Variants in ZNF654 observed in about 807,000 individuals in gnomAD.
ZNF654 encodes the protein zinc finger protein 654.
Under a neutral mutation model 95.3 loss-of-function variants are expected in ZNF654, and 19 were observed. That is an observed-to-expected ratio of 0.20 (90% CI 0.14 to 0.29). The LOEUF (loss-of-function observed/expected upper bound fraction) is 0.29, where lower values mean the gene tolerates loss of function less well. Ranked by LOEUF, ZNF654 falls within the 10% of genes least tolerant of loss-of-function variation. ZNF654 has a pLI of 1.00. For synonymous variants in ZNF654, 413 were observed against 457.9 expected (o/e 0.90, Z 1.25); for missense variants, 1,046 against 1,341.0 (o/e 0.78, Z 3.44).
rs762326399 is a variant in ZNF654, at chr3:88,086,307, G to T, written c.237G>T (p.Gln79His). ...GGCAGGTCCCTTTGCCACAGCTTCA[G>T]GTTCTTCAGACTGCCCTTTGTTGTT... ...GRWQVPLPQLQVLQTALCCFT... is the reference protein window; with the variant it reads ...GRWQVPLPQLHVLQTALCCFT... Residue 79 changes from glutamine (Q) to histidine (H), a missense_variant, in exon 2 of 9, where the codon CAG (glutamine) becomes CAT (histidine). This residue lies in a region of ZNF654 where 91 missense variants were observed against 190.5 expected (regional missense o/e 0.48). Coordinates refer to ENST00000636215, the MANE Select transcript of ZNF654 (RefSeq NM_001350134.2). 1,218 of 1,534,438 alleles carry T rather than the reference G, an allele frequency of 7.9e-4. 1 individual carries two copies. Among genetic ancestry groups the T allele is most frequent in the Non-Finnish European group, 9.9e-4 (1,138 of 1,146,706 alleles).
chr3:88,133,530 A>ATACT (rs1440491357), intron 6 of ZNF654, among the ~76,000 whole-genome samples: 1 of 152,126 alleles, frequency 6.6e-6, no homozygotes, highest in Non-Finnish European at 1.5e-5. Flanking sequence ...TCCTGAAGAG[A>ATACT]TACTTGATAG....
At chr3:88,064,022 A>G (rs1161891337) in intron 1 of ZNF654, among the ~76,000 whole-genome samples, 1 of 151,584 alleles carries the variant, frequency 6.6e-6, no homozygotes, top group Non-Finnish European at 1.5e-5. Flanking sequence ...ATTTTTCTAG[A>G]TTTTTGTTTC....
chr3:88,109,929 C>T (rs2107754139), intron 2 of ZNF654, among the ~76,000 whole-genome samples: 1 of 152,174 alleles, frequency 6.6e-6, no homozygotes, highest in South Asian at 2.1e-4. Flanking sequence ...TGAGTTTAAT[C>T]AGATTTTTAA....
At chr3:88,068,291 G>C (rs1707315375) in intron 1 of ZNF654, among the ~76,000 whole-genome samples, 1 of 152,054 alleles carries the variant, frequency 6.6e-6, no homozygotes, top group African/African-American at 2.4e-5. Flanking sequence ...TGATAAATCA[G>C]TTAATTAACT....
At position 88,075,286 on chromosome 3, in the gene ZNF654, G is replaced by T. The variant is rs1311851943; in HGVS notation, c.187-10971G>T. ...ACGCTTCAAGCATAGTCATTTCCTT[G>T]CAGCCTCCACAACCTGTGTTCTGCT... On this transcript the variant is annotated intron_variant, in intron 1 of 8. Coordinates refer to ENST00000636215, the MANE Select transcript of ZNF654 (RefSeq NM_001350134.2). Among the ~76,000 whole-genome samples, 7 of 152,128 alleles carry T rather than the reference G, an allele frequency of 4.6e-5. No homozygotes were observed. In the East Asian group the frequency reaches 9.6e-4, roughly 21 times the overall value.
chr3:88,100,304 A>C (rs1704333931), intron 2 of ZNF654, among the ~76,000 whole-genome samples: 1 of 152,214 alleles, frequency 6.6e-6, no homozygotes, highest in Non-Finnish European at 1.5e-5. Flanking sequence ...AATGACAATC[A>C]TTAAAAAGTC....
At chr3:88,117,458 A>G (rs1344228557) in intron 3 of ZNF654, among the ~76,000 whole-genome samples, 1 of 152,192 alleles carries the variant, frequency 6.6e-6, no homozygotes, top group Non-Finnish European at 1.5e-5. Context: ...CCTATAGTTT[A>G]TAAGATAGAG....
Position 88,129,761 on chromosome 3 carries a change from A to C in ZNF654, c.828A>C (p.Leu276Phe). 1 of 1,529,108 alleles carries C rather than the reference A, an allele frequency of 6.5e-7. No individual in the cohort carries two copies. Among genetic ancestry groups the C allele is most frequent in the Non-Finnish European group, 8.8e-7 (1 of 1,142,070 alleles). The allele number at this position is 1,529,108 out of a possible 1,614,324, so 94.7% of individuals were successfully genotyped here. A position where few individuals can be genotyped will look rare whatever the true frequency, so the allele number is the denominator to read the frequency against. Residue 276 changes from leucine to phenylalanine, a missense_variant, in exon 6 of 9, where the codon TTA becomes TTC. Around this residue, in one of 9 missense-constraint regions of ZNF654, gnomAD observed 121 missense variants for 141.7 expected, o/e 0.85. Transcript: ENST00000636215. ...CNAEKEGKTM[L>F]ALQLCESFLI... is the part of the protein sequence containing the mutation. ...CTGAAAAAGAAGGCAAAACTATGTT[A>C]GCCTTGCAACTCTGTGAATCCTTTC...
intron 1 of ZNF654, among the ~76,000 whole-genome samples, chr3:88,060,010 C>A (rs929390930): frequency 6.6e-6 from 1 of 151,992 alleles, no homozygotes; most frequent in Admixed American, 6.6e-5. Context: ...CTCCTGTCAT[C>A]CCCTCACAAG....
chr3:88,100,239 C>T (rs1447979502), intron 2 of ZNF654, among the ~76,000 whole-genome samples: 2 of 152,234 alleles, frequency 1.3e-5, no homozygotes, highest in East Asian at 3.9e-4. Context: ...TCATCACTGG[C>T]TATCAGAGAA....
chr3:88,095,055 T>C (rs1217712569), intron 2 of ZNF654, among the ~76,000 whole-genome samples: 1 of 152,128 alleles, frequency 6.6e-6, no homozygotes, highest in Non-Finnish European at 1.5e-5. Context: ...ATTCAAAATA[T>C]TTAAGCAAAT....
rs1325220367 is a variant in ZNF654, at chr3:88,139,769, TGAG to T, written c.2106_2108del (p.Glu704del). ...CTTTAACTGAATGTGGGGATGATTA[TGAG>T]GAGGAAGAGGATGAAGAAGGTGATT... is the stretch of plus-strand genomic sequence containing the variant. On this transcript the variant is annotated inframe_deletion, in exon 8 of 9. Transcript: ENST00000636215. The T allele has an allele frequency of 1.3e-6, 2 of 1,554,482 alleles. No homozygotes were observed. Among genetic ancestry groups the T allele is most frequent in the Non-Finnish European group, 8.7e-7 (1 of 1,148,348 alleles).
chr3:88,095,741 A>AT (rs2107694436), intron 2 of ZNF654: 3 of 391,404 alleles, frequency 7.7e-6, no homozygotes, highest in South Asian at 6.0e-5. Flanking sequence ...CAGGCTTGTT[A>AT]TTTTAACCCT....
chr3:88,088,439 C>T (rs1232784470), intron 2 of ZNF654, among the ~76,000 whole-genome samples: 1 of 151,792 alleles, frequency 6.6e-6, no homozygotes, highest in Non-Finnish European at 1.5e-5. Flanking sequence ...TGAGAAGTTA[C>T]GTACAACATT....
At chr3:88,094,748 G>A (rs1703956958) in intron 2 of ZNF654, among the ~76,000 whole-genome samples, 1 of 151,982 alleles carries the variant, frequency 6.6e-6, no homozygotes, top group Non-Finnish European at 1.5e-5. Flanking sequence ...GCTTAATCTT[G>A]TGCTAAGTCA....
chr3:88,122,189 T>C (rs1705809895), intron 3 of ZNF654, among the ~76,000 whole-genome samples: 1 of 152,100 alleles, frequency 6.6e-6, no homozygotes, highest in African/African-American at 2.4e-5. Context: ...GATACGTTCA[T>C]GGAAGTTGTA....
chr3:88,087,584 G>A (rs1708403101), intron 2 of ZNF654, among the ~76,000 whole-genome samples: 2 of 152,168 alleles, frequency 1.3e-5, no homozygotes, highest in African/African-American at 4.8e-5. Flanking sequence ...AGCAGATAGA[G>A]GAATGGTCAT....
rs767964701 is a variant in ZNF654, at chr3:88,140,416, A to C, written c.2747A>C (p.Lys916Thr). ...QTISLPVSTS[K>T]SRKESTEPKT... is the part of the protein sequence containing the mutation. ...ATTAGTCTGCCAGTTTCTACTAGCA[A>C]ATCAAGGAAAGAGTCTACAGAACCA... Residue 916 changes from lysine (K) to threonine (T), a missense_variant, in exon 8 of 9, where the codon AAA becomes ACA. By Grantham distance (78) the Lys-to-Thr change is moderately conservative. Transcript: ENST00000636215. 3.7e-6 allele frequency: 6 copies of C among 1,613,312 alleles called. No individual in the cohort carries two copies. Among genetic ancestry groups the C allele is most frequent in the Non-Finnish European group, 5.1e-6 (6 of 1,179,672 alleles).
In ZNF654 at chr3:88,144,617, TG is replaced by T. The variant is rs1707270066; in HGVS notation, c.*2966del. The T allele has an allele frequency of 6.6e-6, 1 of 152,428 alleles. No homozygotes were observed. The highest frequency in any genetic ancestry group is 6.6e-5 in the Admixed American group (1 of 15,266). The allele number at this position is 152,428 out of a possible 1,614,324, so 9.4% of individuals were successfully genotyped here. A position where few individuals can be genotyped will look rare whatever the true frequency, so the allele number is the denominator to read the frequency against. ...TAGTGTCTCATTTCAAGAAATTTTTTGTACTGTACATAGATTTGTTCAATAA... is the reference window on the plus strand; with the variant it reads ...TAGTGTCTCATTTCAAGAAATTTTTTTACTGTACATAGATTTGTTCAATAA... On this transcript the variant is annotated 3_prime_UTR_variant, in exon 9 of 9. Transcript: ENST00000636215.
Sources: gnomAD v4.1 joint callset for allele counts (sites outside exome capture counted in the v4.1 genomes callset) on GRCh38, gnomAD v4.1.1 for gene constraint, gnomAD v4.1.1 regional missense constraint, MANE v1.5 for transcripts, NCBI Gene and HGNC (gene_info 2026-07-23, HGNC 2026-07-21) for gene names.